Variants in HCRTR2 observed in about 807,000 individuals in gnomAD.
HCRTR2 encodes the protein orexin receptor type 2.
HCRTR2 carries 22 observed loss-of-function variants against 49.0 expected under a neutral mutation model. The ratio of observed to expected loss-of-function variants is 0.45; its 90% CI spans 0.32 to 0.64. HCRTR2 has a LOEUF of 0.64. HCRTR2 is among the 30% of genes least tolerant of loss of function. The pLI, the probability that HCRTR2 is intolerant of heterozygous loss-of-function variation, is 0.04. For synonymous variants in HCRTR2, 236 were observed against 205.3 expected, an observed-to-expected ratio of 1.15 and a Z score of -1.28; for missense variants, 491 against 559.4, an observed-to-expected ratio of 0.88 and a Z score of 1.23.
upstream of HCRTR2, chr6:55,174,473 C>A: frequency 1.1e-6 from 1 of 889,800 alleles, no homozygotes; most frequent in Non-Finnish European, 1.9e-6. Context: ...TCATTTTCTG[C>A]TCGGGAGCCC....
intron 1 of HCRTR2, among the ~76,000 whole-genome samples, chr6:55,201,070 T>C (rs902304323): frequency 9.9e-5 from 15 of 151,978 alleles, no homozygotes; most frequent in African/African-American, 3.4e-4. Context: ...CTGATGAGAG[T>C]AGGAATTAAG....
chr6:55,182,615 A>G (rs1217326163), intron 1 of HCRTR2, among the ~76,000 whole-genome samples: 1 of 152,244 alleles, frequency 6.6e-6, no homozygotes, highest in African/African-American at 2.4e-5. Flanking sequence ...AGTGCAACTT[A>G]GTAACAGACA....
At chr6:55,159,086 G>A (rs955553308) in intron 1 of HCRTR2, among the ~76,000 whole-genome samples, 1 of 152,106 alleles carries the variant, frequency 6.6e-6, no homozygotes, top group Non-Finnish European at 1.5e-5. Context: ...GTGCCCCTCT[G>A]GGACAAAGCT....
intron 2 of HCRTR2, among the ~76,000 whole-genome samples, chr6:55,253,664 T>C (rs1766595051): frequency 6.6e-6 from 1 of 152,136 alleles, no homozygotes. Context: ...AAAGATAATG[T>C]GGTACATATA....
intron 1 of HCRTR2, among the ~76,000 whole-genome samples, chr6:55,200,532 T>C (rs1581825221): frequency 6.6e-6 from 1 of 152,174 alleles, no homozygotes; most frequent in East Asian, 1.9e-4. Context: ...CTCACAATTG[T>C]AATTCTGCTA....
At chr6:55,162,720 A>G (rs1764823668) in intron 1 of HCRTR2, among the ~76,000 whole-genome samples, 1 of 152,060 alleles carries the variant, frequency 6.6e-6, no homozygotes, top group African/African-American at 2.4e-5. Flanking sequence ...CCAAATCATG[A>G]GTGAACTCCC....
intron 1 of HCRTR2, among the ~76,000 whole-genome samples, chr6:55,203,561 A>G (rs1292358939): frequency 6.6e-6 from 1 of 152,166 alleles, no homozygotes; most frequent in African/African-American, 2.4e-5. Flanking sequence ...AGTGCTATGG[A>G]AAAAAGTAAA....
At chr6:55,163,285 C>T (rs1764832501) in intron 1 of HCRTR2, among the ~76,000 whole-genome samples, 1 of 151,774 alleles carries the variant, frequency 6.6e-6, no homozygotes, top group Non-Finnish European at 1.5e-5. Flanking sequence ...CCTTAAATTT[C>T]TTATGGAACT....
chr6:55,208,919 A>T (rs1765651413), intron 1 of HCRTR2, among the ~76,000 whole-genome samples: 1 of 152,244 alleles, frequency 6.6e-6, no homozygotes, highest in Admixed American at 6.5e-5. Flanking sequence ...CCAAATGTGG[A>T]TACTGGTACT....
Position 55,197,163 on chromosome 6 carries a change from T to C in HCRTR2, c.223+22353T>C, listed in dbSNP as rs150061243. Among the ~76,000 whole-genome samples the C allele has an allele frequency of 5.5e-4, 83 of 152,276 alleles. No homozygotes were observed. The South Asian group carries it at 6.0e-3, about 11-fold the overall frequency. On this transcript the variant is annotated intron_variant, in intron 1 of 6. Transcript: ENST00000370862. The stretch of plus-strand genomic sequence containing the variant: ...GAATTAACTAACAATTTTATCTCTA[T>C]ACCCAACTGTTAACCCCAAGCCTAA...
At chr6:55,190,281 C>T (rs3122152) in intron 1 of HCRTR2, among the ~76,000 whole-genome samples, 42,376 of 151,854 alleles carry the variant, frequency 0.28, 6,507 homozygotes, top group African/African-American at 0.4. Flanking sequence ...ATTTTGACAA[C>T]TGAACCAATA....
intron 1 of HCRTR2, among the ~76,000 whole-genome samples, chr6:55,158,870 G>C (rs1764766025): frequency 6.6e-6 from 1 of 152,202 alleles, no homozygotes; most frequent in Non-Finnish European, 1.5e-5. Flanking sequence ...GGGCAGCTGT[G>C]GGTGCAGCTT....
intron 1 of HCRTR2, among the ~76,000 whole-genome samples, chr6:55,175,208 C>G (rs1202223007): frequency 6.6e-6 from 1 of 151,932 alleles, no homozygotes; most frequent in East Asian, 1.9e-4. Flanking sequence ...TGGGACGAGA[C>G]AGAGCTTGCA....
chr6:55,229,721 CA>C (rs1562014656), intron 1 of HCRTR2, among the ~76,000 whole-genome samples: 1 of 152,026 alleles, frequency 6.6e-6, no homozygotes, highest in Non-Finnish European at 1.5e-5. Flanking sequence ...TGGTAGTTGC[CA>C]GGGGCTGGGA....
intron 4 of HCRTR2, among the ~76,000 whole-genome samples, chr6:55,275,149 A>G (rs73451630): frequency 6.6e-6 from 1 of 152,332 alleles, no homozygotes; most frequent in African/African-American, 2.4e-5. Flanking sequence ...TTTAAGACAG[A>G]GTAGGTTTTA....
chr6:55,128,047 A>C (rs2127243732), intron 1 of HCRTR2, among the ~76,000 whole-genome samples: 1 of 152,156 alleles, frequency 6.6e-6, no homozygotes, highest in South Asian at 2.1e-4. Context: ...GAATTTTTAT[A>C]GTTTTGTGTT....
chr6:55,161,509 A>T (rs1416200655), intron 1 of HCRTR2, among the ~76,000 whole-genome samples: 1 of 152,194 alleles, frequency 6.6e-6, no homozygotes, highest in Non-Finnish European at 1.5e-5. Context: ...AGAGAGAGAC[A>T]CGAAAAACCC....
At chr6:55,284,264 CAG>C (rs1279382492), downstream of HCRTR2, among the ~76,000 whole-genome samples, 1 of 152,102 alleles carries the variant, frequency 6.6e-6, no homozygotes, top group Non-Finnish European at 1.5e-5. Flanking sequence ...AAAACTGACT[CAG>C]AGAGCAGCAG....
At position 55,255,367 on chromosome 6, in the gene HCRTR2, G is replaced by A; in HGVS notation, c.634G>A (p.Glu212Lys). Reference sequence around the variant, plus strand: ...AACCACCCTCTTTACGGTGTGTGATGAGCGCTGGGGTGGTAAGTACCTTAT... The same window carrying A: ...AACCACCCTCTTTACGGTGTGTGATAAGCGCTGGGGTGGTAAGTACCTTAT... ...NKTTLFTVCD[E>K]RWGGEIYPKM... The change falls in exon 3 of 7, where the codon GAG becomes AAG. Residue 212 changes from glutamate (E) to lysine (K), a missense_variant. Glu to Lys is a moderately conservative substitution (Grantham distance 56, BLOSUM62 1). Transcript: ENST00000370862. 6.2e-7 allele frequency: 1 copy of A among 1,613,974 alleles called. No individual in the cohort carries two copies. The highest frequency in any genetic ancestry group is 8.5e-7 in the Non-Finnish European group (1 of 1,179,938).
Sources: allele counts gnomAD v4.1 joint callset (sites outside exome capture counted in the v4.1 genomes callset), GRCh38; gene constraint gnomAD v4.1.1; transcripts MANE v1.5; gene names NCBI Gene and HGNC (gene_info 2026-07-23, HGNC 2026-07-21).